Variants in CFAP96 observed in about 807,000 individuals in gnomAD.
CFAP96 encodes cilia and flagella associated protein 96, also known as cilia-and flagella-associated protein 96.
chr4:185,424,323 TAAAAC>T, the CFAP96 span, among the ~76,000 whole-genome samples: 1 of 151,848 alleles, frequency 6.6e-6, no homozygotes, highest in Non-Finnish European at 1.5e-5. Context: ...CAAAATAAAA[TAAAAC>T]AAAAACATGT....
At chr4:185,436,102 C>T in the CFAP96 span, 9 of 1,550,834 alleles carry the variant, frequency 5.8e-6, no homozygotes, top group Non-Finnish European at 7.0e-6. Flanking sequence ...TTTTTCAGCG[C>T]ACAGTCAAAA....
chr4:185,409,817 A>G, the CFAP96 span, among the ~76,000 whole-genome samples: 1 of 152,168 alleles, frequency 6.6e-6, no homozygotes, highest in Non-Finnish European at 1.5e-5. Context: ...CTTAAAAGAG[A>G]GGGGCATAGG....
the CFAP96 span, chr4:185,418,570 T>C: frequency 6.2e-7 from 1 of 1,611,572 alleles, no homozygotes; most frequent in Non-Finnish European, 8.5e-7. Context: ...TTTCTAGAAA[T>C]CTTCAAACAT....
chr4:185,439,162 C>G, the CFAP96 span, among the ~76,000 whole-genome samples: 2 of 152,122 alleles, frequency 1.3e-5, no homozygotes, highest in South Asian at 2.1e-4. Flanking sequence ...CAGACCAATG[C>G]AATCAGAAAT....
chr4:185,449,781 T>C, the CFAP96 span: 4 of 528,600 alleles, frequency 7.6e-6, no homozygotes, highest in East Asian at 1.3e-4. Context: ...TCTAATTCTC[T>C]TCCTTATTTT....
chr4:185,415,990 C>G, the CFAP96 span: 2 of 746,320 alleles, frequency 2.7e-6, no homozygotes, highest in Non-Finnish European at 4.1e-6. Context: ...TAGCCAAGTA[C>G]AGTAGTGAAA....
At chr4:185,422,732 C>T in the CFAP96 span, among the ~76,000 whole-genome samples, 1 of 152,070 alleles carries the variant, frequency 6.6e-6, no homozygotes, top group Non-Finnish European at 1.5e-5. Flanking sequence ...AAAAGCAACC[C>T]CAAAATTTTA....
the CFAP96 span, chr4:185,429,269 C>A: frequency 3.9e-6 from 2 of 507,304 alleles, no homozygotes; most frequent in Non-Finnish European, 6.8e-6. Context: ...GTAATTAGAA[C>A]TGGAAATTAG....
At chr4:185,435,921 G>A in the CFAP96 span, 1 of 680,770 alleles carries the variant, frequency 1.5e-6, no homozygotes, top group Non-Finnish European at 2.3e-6. Flanking sequence ...TGAGGAAAAT[G>A]AAATTAGATT....
the CFAP96 span, among the ~76,000 whole-genome samples, chr4:185,438,058 G>A: frequency 5.6e-4 from 85 of 151,532 alleles, 1 homozygote; most frequent in Non-Finnish European, 1.0e-3. Context: ...GTGACTTTGT[G>A]TTGTTTTCTT....
chr4:185,434,642 A>T, the CFAP96 span, among the ~76,000 whole-genome samples: 2 of 151,450 alleles, frequency 1.3e-5, no homozygotes, highest in African/African-American at 4.9e-5. Context: ...TAGTGGATAC[A>T]GAAAGTGTTT....
At chr4:185,429,743 C>A in the CFAP96 span, among the ~76,000 whole-genome samples, 1 of 152,138 alleles carries the variant, frequency 6.6e-6, no homozygotes, top group African/African-American at 2.4e-5. Context: ...GATTATAGCT[C>A]ACTGCAGTCT....
the CFAP96 span, among the ~76,000 whole-genome samples, chr4:185,447,428 C>T: frequency 5.3e-5 from 8 of 152,200 alleles, no homozygotes; most frequent in African/African-American, 9.6e-5. Context: ...GATCCACCCA[C>T]CTTGGCCTCC....
chr4:185,428,652 C>T, the CFAP96 span, among the ~76,000 whole-genome samples: 2 of 151,776 alleles, frequency 1.3e-5, no homozygotes, highest in South Asian at 2.1e-4. Flanking sequence ...TAATATTTCA[C>T]CTTTGTTTGA....
At chr4:185,417,246 G>A in the CFAP96 span, among the ~76,000 whole-genome samples, 1 of 152,118 alleles carries the variant, frequency 6.6e-6, no homozygotes, top group Non-Finnish European at 1.5e-5. Context: ...CAAAAGGAGG[G>A]ACAGTCTTAA....
the CFAP96 span, among the ~76,000 whole-genome samples, chr4:185,410,387 T>C: frequency 6.6e-6 from 1 of 152,092 alleles, no homozygotes; most frequent in African/African-American, 2.4e-5. Context: ...CGGTGGCTCA[T>C]GCCTGTAATC....
At chr4:185,433,964 A>G in the CFAP96 span, among the ~76,000 whole-genome samples, 1 of 152,124 alleles carries the variant, frequency 6.6e-6, no homozygotes, top group African/African-American at 2.4e-5. Flanking sequence ...CATGCCTGTG[A>G]TCCCAGCACC....
At chr4:185,425,982 A>G in the CFAP96 span, 1 of 1,199,280 alleles carries the variant, frequency 8.3e-7, no homozygotes, top group Non-Finnish European at 1.2e-6. Flanking sequence ...GACCAACTAC[A>G]ACTCCCGACA....
chr4:185,445,027 G>A, the CFAP96 span: 141,029 of 1,551,144 alleles, frequency 0.091, 7,071 homozygotes, highest in Middle Eastern at 0.14. Context: ...CCCTTATGTG[G>A]CTAAATTGGC....
Sources: gnomAD v4.1 joint callset for allele counts (sites outside exome capture counted in the v4.1 genomes callset) on GRCh38, gnomAD v4.1.1 for gene constraint, MANE v1.5 for transcripts, NCBI Gene and HGNC (gene_info 2026-07-23, HGNC 2026-07-21) for gene names.